RPS6KC1: variants seen among roughly 807,000 people sequenced by gnomAD.
RPS6KC1 encodes the protein inactive ribosomal protein S6 kinase delta-1.
In RPS6KC1, 54 loss-of-function variants were observed where a neutral mutation model predicts 103.8. That is an observed-to-expected ratio of 0.52 (90% CI 0.42 to 0.65). The LOEUF (loss-of-function observed/expected upper bound fraction) is 0.65, where lower values mean the gene tolerates loss of function less well. Ranked by LOEUF, RPS6KC1 falls within the 30% of genes least tolerant of loss-of-function variation. The pLI is 0.00. For synonymous variants in RPS6KC1, 439 were observed against 438.7 expected, an observed-to-expected ratio of 1.00 and a Z score of -0.01; for missense variants, 1,151 against 1,253.8, an observed-to-expected ratio of 0.92 and a Z score of 1.24.
At chr1:213,725,527 C>T in the RPS6KC1 span, among the ~76,000 whole-genome samples, 1 of 152,206 alleles carries the variant, frequency 6.6e-6, no homozygotes, top group African/African-American at 2.4e-5. Flanking sequence ...TGTGGCGTGG[C>T]CTCCCTCTTG....
the RPS6KC1 span, among the ~76,000 whole-genome samples, chr1:213,464,116 A>G: frequency 6.6e-6 from 1 of 152,146 alleles, no homozygotes; most frequent in Admixed American, 6.6e-5. Context: ...GGACTTTTGC[A>G]TGTCTGCTCA....
chr1:213,758,343 T>C, the RPS6KC1 span, among the ~76,000 whole-genome samples: 9 of 152,112 alleles, frequency 5.9e-5, no homozygotes, highest in Admixed American at 1.3e-4. Flanking sequence ...TTTGGGAAGC[T>C]GAGAAGGGAA....
At chr1:213,659,165 A>C in the RPS6KC1 span, among the ~76,000 whole-genome samples, 2 of 151,972 alleles carry the variant, frequency 1.3e-5, no homozygotes, top group African/African-American at 2.4e-5. Context: ...GAGTTTCTCC[A>C]TGTTGGCCAG....
At chr1:213,509,655 T>C in the RPS6KC1 span, among the ~76,000 whole-genome samples, 13 of 152,208 alleles carry the variant, frequency 8.5e-5, no homozygotes, top group Non-Finnish European at 1.6e-4. Flanking sequence ...ACTCTTGGAA[T>C]GTACACATGT....
At chr1:213,683,538 A>C in the RPS6KC1 span, among the ~76,000 whole-genome samples, 1 of 152,106 alleles carries the variant, frequency 6.6e-6, no homozygotes, top group African/African-American at 2.4e-5. Context: ...GCAGGTCCTC[A>C]TGGACCGAGA....
intron 5 of RPS6KC1, among the ~76,000 whole-genome samples, chr1:213,117,851 T>C (rs751847548): frequency 4.0e-5 from 6 of 151,198 alleles, no homozygotes; most frequent in Non-Finnish European, 8.9e-5. Flanking sequence ...GGTGAAACCC[T>C]GTCTCTACTA....
the RPS6KC1 span, among the ~76,000 whole-genome samples, chr1:213,531,127 G>A: frequency 6.6e-6 from 1 of 152,170 alleles, no homozygotes; most frequent in Admixed American, 6.5e-5. Flanking sequence ...GCATTGACAT[G>A]GTAATGCAGA....
the RPS6KC1 span, among the ~76,000 whole-genome samples, chr1:213,859,006 T>A: frequency 4.3e-3 from 657 of 152,334 alleles, 5 homozygotes; most frequent in Non-Finnish European, 7.4e-3. Context: ...ATCTGCATCG[T>A]TTCTCATGAT....
At chr1:213,485,105 A>T in the RPS6KC1 span, among the ~76,000 whole-genome samples, 1 of 152,062 alleles carries the variant, frequency 6.6e-6, no homozygotes, top group African/African-American at 2.4e-5. Context: ...GGCTCAAGCA[A>T]TCCTCCCATC....
chr1:213,584,685 G>A, the RPS6KC1 span, among the ~76,000 whole-genome samples: 3 of 152,360 alleles, frequency 2.0e-5, no homozygotes, highest in Middle Eastern at 6.8e-3. Flanking sequence ...GAATTGCAGG[G>A]AAACTGTTTA....
chr1:213,568,799 A>G, the RPS6KC1 span, among the ~76,000 whole-genome samples: 1 of 152,168 alleles, frequency 6.6e-6, no homozygotes, highest in African/African-American at 2.4e-5. Context: ...TTTCTCCTTG[A>G]CTGTGGTAAG....
At chr1:213,202,011 G>A (rs1268560405) in intron 8 of RPS6KC1, among the ~76,000 whole-genome samples, 1 of 152,110 alleles carries the variant, frequency 6.6e-6, no homozygotes, top group African/African-American at 2.4e-5. Context: ...TGTACACCAT[G>A]CAGAATTCTA....
chr1:213,437,198 G>T, the RPS6KC1 span, among the ~76,000 whole-genome samples: 1 of 151,850 alleles, frequency 6.6e-6, no homozygotes, highest in African/African-American at 2.4e-5. Flanking sequence ...AGATTGCAAA[G>T]AATATTTTTA....
At chr1:213,589,607 A>G in the RPS6KC1 span, among the ~76,000 whole-genome samples, 1 of 149,868 alleles carries the variant, frequency 6.7e-6, no homozygotes, top group Non-Finnish European at 1.5e-5. Flanking sequence ...GCGCCATTGC[A>G]CTCTAGTCTG....
chr1:213,551,917 T>C, the RPS6KC1 span, among the ~76,000 whole-genome samples: 83,412 of 152,104 alleles, frequency 0.55, 24,278 homozygotes, highest in Non-Finnish European at 0.64. Context: ...TCCATAGTTA[T>C]GCTTTGTCCA....
At chr1:213,676,684 T>C in the RPS6KC1 span, among the ~76,000 whole-genome samples, 2 of 152,314 alleles carry the variant, frequency 1.3e-5, no homozygotes, top group East Asian at 3.9e-4. Flanking sequence ...GGCAACAAAT[T>C]TGACCCTGTG....
chr1:213,530,213 T>G, the RPS6KC1 span, among the ~76,000 whole-genome samples: 1 of 152,126 alleles, frequency 6.6e-6, no homozygotes, highest in Admixed American at 6.5e-5. Context: ...CCTTGGCCCA[T>G]CTCCTGTTTT....
Position 213,077,551 on chromosome 1 carries a change from A to G in RPS6KC1, c.142-145A>G, listed in dbSNP as rs993989910. Reference sequence around the variant, plus strand: ...ATTTTTAAAGCAAATATTATTAGTTAATTTCAGTCAGTTAATCATATTGTT... The same window carrying G: ...ATTTTTAAAGCAAATATTATTAGTTGATTTCAGTCAGTTAATCATATTGTT... On this transcript the variant is annotated intron_variant, in intron 2 of 14. Coordinates refer to ENST00000366960, the MANE Select transcript of RPS6KC1 (RefSeq NM_012424.6). 1.9e-5 allele frequency: 8 copies of G among 410,842 alleles called. 1 individual carries two copies. The highest frequency in any genetic ancestry group is 3.5e-5 in the Non-Finnish European group (8 of 227,080). The allele number at this position is 410,842 out of a possible 1,614,324, so 25.4% of individuals were successfully genotyped here.
At chr1:213,470,914 G>A in the RPS6KC1 span, among the ~76,000 whole-genome samples, 3 of 151,940 alleles carry the variant, frequency 2.0e-5, no homozygotes, top group Non-Finnish European at 2.9e-5. Context: ...CCTGAGCCAC[G>A]ATGCCTGGCC....
Sources: allele counts gnomAD v4.1 joint callset (sites outside exome capture counted in the v4.1 genomes callset), GRCh38; gene constraint gnomAD v4.1.1; transcripts MANE v1.5; gene names NCBI Gene and HGNC (gene_info 2026-07-23, HGNC 2026-07-21).